Variants in RARB observed in about 807,000 individuals in gnomAD.
The protein encoded by RARB is retinoic acid receptor beta, also known as HBV-activated protein.
RARB carries 17 observed loss-of-function variants against 51.9 expected under a neutral mutation model. The ratio of observed to expected loss-of-function variants is 0.33; its 90% CI spans 0.22 to 0.49. RARB has a LOEUF of 0.49. Among genes scored for constraint, RARB ranks in the 20% least tolerant of loss-of-function variants. The pLI is 0.99. For synonymous variants in RARB, 215 were observed against 195.4 expected (o/e 1.10, Z -0.84); for missense variants, 369 against 550.8 (o/e 0.67, Z 3.30).
At chr3:25,571,937 A>G (rs1303960034) in intron 4 of RARB, among the ~76,000 whole-genome samples, 2 of 152,226 alleles carry the variant, frequency 1.3e-5, no homozygotes, top group Non-Finnish European at 2.9e-5. Flanking sequence ...TGCTGGGTGC[A>G]TCTGACAATA....
chr3:25,565,273 A>G (rs1700446452), intron 3 of RARB, among the ~76,000 whole-genome samples: 1 of 152,224 alleles, frequency 6.6e-6, no homozygotes, highest in African/African-American at 2.4e-5. Flanking sequence ...TCTCATCTGC[A>G]AAATGGGTAT....
At chr3:25,150,094 C>T (rs993993337) in intron 4 of RARB, among the ~76,000 whole-genome samples, 7 of 151,602 alleles carry the variant, frequency 4.6e-5, no homozygotes, top group Admixed American at 1.3e-4. Flanking sequence ...ACCAGCTACT[C>T]GGAGGCTGAG....
At chr3:25,253,548 G>C (rs1702783396) in intron 5 of RARB, among the ~76,000 whole-genome samples, 1 of 152,096 alleles carries the variant, frequency 6.6e-6, no homozygotes, top group Non-Finnish European at 1.5e-5. Flanking sequence ...TTTATATATT[G>C]CCTGGGTATA....
intron 5 of RARB, among the ~76,000 whole-genome samples, chr3:25,383,930 CAA>C (rs11401651): frequency 5.4e-5 from 7 of 128,586 alleles, no homozygotes; most frequent in Admixed American, 1.6e-4. Flanking sequence ...GACTTTGTCT[CAA>C]AAAAAAAAAA....
chr3:25,075,783 A>G (rs1698859640), intron 3 of RARB, among the ~76,000 whole-genome samples: 1 of 152,156 alleles, frequency 6.6e-6, no homozygotes, highest in African/African-American at 2.4e-5. Flanking sequence ...CAGAGAAGAG[A>G]AAGTATGGAT....
chr3:25,539,622 C>T (rs1280130268), intron 3 of RARB, among the ~76,000 whole-genome samples: 3 of 149,664 alleles, frequency 2.0e-5, no homozygotes, highest in Admixed American at 6.7e-5. Context: ...TTTTCCCCCC[C>T]ACACTCTCTA....
At position 25,157,932 on chromosome 3, in the gene RARB, T is replaced by A. The variant is rs545372241; in HGVS notation, c.-279-16187T>A. Among the ~76,000 whole-genome samples, 18 of 139,186 alleles carry A rather than the reference T, an allele frequency of 1.3e-4. No homozygotes were observed. The East Asian group carries it at 3.5e-3, about 27-fold the overall frequency. The allele number at this position is 139,186 out of a possible 152,430, so 91.3% of individuals were successfully genotyped here. A position where few individuals can be genotyped will look rare whatever the true frequency, so the allele number is the denominator to read the frequency against. Reference sequence around the variant, plus strand: ...TAAATCAACTGATGCAGCAGACTATTGTTTATCCAGAATGTCTGTAATTTA... The same window carrying A: ...TAAATCAACTGATGCAGCAGACTATAGTTTATCCAGAATGTCTGTAATTTA... On this transcript the variant is annotated intron_variant, in intron 4 of 11. Transcript: ENST00000383772.
chr3:24,830,420 C>CGTGTATGTGTGTGTGT (rs1553606084), intron 1 of RARB, among the ~76,000 whole-genome samples: 11 of 121,400 alleles, frequency 9.1e-5, no homozygotes, highest in Non-Finnish European at 1.3e-4. Context: ...TGACAGAAGA[C>CGTGTATGTGTGTGTGT]GTGTGTGTGT....
At chr3:25,056,050 T>C (rs1698434971) in intron 2 of RARB, among the ~76,000 whole-genome samples, 1 of 152,124 alleles carries the variant, frequency 6.6e-6, no homozygotes, top group Non-Finnish European at 1.5e-5. Context: ...CCTATTACCC[T>C]GCCGGGAAAC....
chr3:25,500,004 T>G (rs1456144516), intron 2 of RARB, among the ~76,000 whole-genome samples: 1 of 152,252 alleles, frequency 6.6e-6, no homozygotes, highest in Non-Finnish European at 1.5e-5. Context: ...TCAAACAAAG[T>G]TATATTTCCT....
intron 5 of RARB, among the ~76,000 whole-genome samples, chr3:25,420,680 G>C (rs189181781): frequency 4.7e-4 from 72 of 152,226 alleles, no homozygotes; most frequent in Middle Eastern, 3.4e-3. Flanking sequence ...CACCTTTGGG[G>C]GTTTAGGTCA....
At position 25,076,995 on chromosome 3, in the gene RARB, C is replaced by G. The variant is rs1179221748; in HGVS notation, c.-328+16819C>G. ...CAGGTCTCTTTTTTGTTTTCCCAGT[C>G]TTTCAGATTTGTGTGGAAAAGGAGC... On this transcript the variant is annotated intron_variant, in intron 3 of 11. Transcript: ENST00000383772. 3.3e-5 allele frequency among the ~76,000 whole-genome samples: 5 copies of G among 152,270 alleles called. No homozygotes were observed. In the East Asian group the frequency reaches 9.7e-4, roughly 29 times the overall value.
intron 2 of RARB, among the ~76,000 whole-genome samples, chr3:24,993,957 A>G (rs1468480245): frequency 2.0e-5 from 3 of 152,166 alleles, no homozygotes; most frequent in Non-Finnish European, 4.4e-5. Context: ...ATAGTGCTGC[A>G]GTAAACATGG....
rs114583019 is a variant in RARB, at chr3:25,205,807, A to G, written c.178+31232A>G. ...GCCCTAGCTGGAGTGCAGTGGTGCA[A>G]TTATGGCTCACTGCAGCCTCAACCT... On this transcript the variant is annotated intron_variant, in intron 5 of 11. Transcript: ENST00000383772. Among the ~76,000 whole-genome samples, 682 of 152,080 alleles carry G rather than the reference A, an allele frequency of 4.5e-3. 7 individuals carry two copies. Among genetic ancestry groups the G allele is most frequent in the African/African-American group, 0.015 (636 of 41,500 alleles).
intron 5 of RARB, among the ~76,000 whole-genome samples, chr3:25,385,996 C>A (rs1036940310): frequency 8.5e-5 from 13 of 152,136 alleles, no homozygotes; most frequent in African/African-American, 2.9e-4. Context: ...TCCGTCAGTC[C>A]GTGAGCTTAC....
intron 5 of RARB, among the ~76,000 whole-genome samples, chr3:25,174,843 G>A (rs1267809205): frequency 2.0e-5 from 3 of 152,186 alleles, no homozygotes; most frequent in Non-Finnish European, 4.4e-5. Context: ...AGCATGTGTG[G>A]TTAATATCTG....
intron 1 of RARB, among the ~76,000 whole-genome samples, chr3:24,830,113 A>G (rs1702260044): frequency 1.3e-5 from 2 of 152,090 alleles, no homozygotes; most frequent in South Asian, 4.1e-4. Context: ...CGAGCCCTGG[A>G]GGCTGAGGCT....
intron 3 of RARB, among the ~76,000 whole-genome samples, chr3:25,090,105 A>C (rs767755523): frequency 2.0e-4 from 31 of 152,312 alleles, no homozygotes; most frequent in South Asian, 4.1e-4. Context: ...ACACAGACAT[A>C]GGTCAACTCT....
chr3:24,952,939 G>T (rs1226563265), intron 2 of RARB, among the ~76,000 whole-genome samples: 1 of 151,892 alleles, frequency 6.6e-6, no homozygotes, highest in African/African-American at 2.4e-5. Context: ...TAATTTCAGG[G>T]TATAACATAG....
Sources: gnomAD v4.1 joint callset for allele counts (sites outside exome capture counted in the v4.1 genomes callset) on GRCh38, gnomAD v4.1.1 for gene constraint, MANE v1.5 for transcripts, NCBI Gene and HGNC (gene_info 2026-07-23, HGNC 2026-07-21) for gene names.